Variants in SV2B observed in about 807,000 individuals in gnomAD.
The protein encoded by SV2B is synaptic vesicle glycoprotein 2B.
A neutral mutation model predicts 73.9 loss-of-function variants in SV2B; 41 were observed. The observed-to-expected ratio is 0.56, with a 90% CI of 0.43 to 0.72. The LOEUF is 0.72. Ranked by LOEUF, SV2B falls within the 30% of genes least tolerant of loss-of-function variation. The probability of loss-of-function intolerance (pLI) is 0.00; values close to 1 mark genes in which losing one functional copy is unlikely to be tolerated. For missense variants in SV2B, 764 were observed against 857.8 expected, an observed-to-expected ratio of 0.89 and a Z score of 1.37; for synonymous variants, 314 against 314.2, an observed-to-expected ratio of 1.00 and a Z score of 0.01.
chr15:91,196,446 G>C (rs375185593), intron 1 of SV2B, among the ~76,000 whole-genome samples: 3 of 152,348 alleles, frequency 2.0e-5, no homozygotes, highest in East Asian at 3.9e-4. Flanking sequence ...ATCTGAATTA[G>C]ATTTTATAGG....
At chr15:91,208,224 C>T (rs1453307492) in intron 1 of SV2B, among the ~76,000 whole-genome samples, 2 of 152,174 alleles carry the variant, frequency 1.3e-5, no homozygotes, top group African/African-American at 2.4e-5. Flanking sequence ...TCAAATTCCC[C>T]AGCAGATACC....
chr15:91,295,288 T>A lies in SV2B; in HGVS notation c.*2736T>A, dbSNP rs1443181545. On this transcript the variant is annotated 3_prime_UTR_variant, in exon 13 of 13. Coordinates refer to ENST00000394232, the MANE Select transcript of SV2B (RefSeq NM_001323032.3). ...TATTAAAAATAATTAGTGAAAGAGG[T>A]GTGCCTATCTGTGAAGTTTGTAGTA... is the stretch of plus-strand genomic sequence containing the variant. 1 of 152,202 alleles carries A rather than the reference T, an allele frequency of 6.6e-6. No individual in the cohort carries two copies. Among genetic ancestry groups the A allele is most frequent in the African/African-American group, 2.4e-5 (1 of 41,442 alleles). The allele number at this position is 152,202 out of a possible 1,614,324, so 9.4% of individuals were successfully genotyped here.
chr15:91,180,389 G>A (rs1372718700), intron 1 of SV2B, among the ~76,000 whole-genome samples: 4 of 151,772 alleles, frequency 2.6e-5, no homozygotes, highest in South Asian at 2.1e-4. Context: ...TGCTCTTCTC[G>A]AGGAGTATCT....
chr15:91,195,486 G>A (rs1409516383), intron 1 of SV2B, among the ~76,000 whole-genome samples: 1 of 152,178 alleles, frequency 6.6e-6, no homozygotes, highest in Admixed American at 6.5e-5. Context: ...CCATAGCTAC[G>A]TAACTTATAA....
At chr15:91,156,151 G>C (rs1197916119) in intron 1 of SV2B, among the ~76,000 whole-genome samples, 1 of 152,122 alleles carries the variant, frequency 6.6e-6, no homozygotes, top group Non-Finnish European at 1.5e-5. Context: ...GTCTCATAGG[G>C]ACTTGACTTC....
intron 1 of SV2B, among the ~76,000 whole-genome samples, chr15:91,151,454 G>A (rs892205063): frequency 1.3e-5 from 2 of 152,292 alleles, no homozygotes; most frequent in Admixed American, 1.3e-4. Flanking sequence ...ATCAGCCTGA[G>A]ACCACTAAGG....
rs1336185000 is a variant in SV2B at position 91,242,190 on chromosome 15, G to A, written c.452-9629G>A. ...TCTCCTCGTTTTCCACCTGCCCATT[G>A]GCTGCTCCTTCTTGTTCTCCATCAC... is the stretch of plus-strand genomic sequence containing the variant. On this transcript the variant is annotated intron_variant, in intron 2 of 12. Transcript: ENST00000394232. This position sits in a 1 kb window ranked among gnomAD's most constrained non-coding sequence, Gnocchi z 4.9. Among the ~76,000 whole-genome samples the A allele has an allele frequency of 1.3e-5, 2 of 152,106 alleles. No homozygotes were observed.
Position 91,227,541 on chromosome 15 carries a change from C to T in SV2B, c.451+827C>T, listed in dbSNP as rs772954525. Among the ~76,000 whole-genome samples the T allele has an allele frequency of 6.6e-6, 1 of 152,158 alleles. No homozygotes were observed. Among genetic ancestry groups the T allele is most frequent in the Admixed American group, 6.5e-5 (1 of 15,276 alleles). On this transcript the variant is annotated intron_variant, in intron 2 of 12. Coordinates refer to ENST00000394232, the MANE Select transcript of SV2B (RefSeq NM_001323032.3). This position sits in a 1 kb window ranked among gnomAD's most constrained non-coding sequence, Gnocchi z 4.5. ...TCTATGAAATTAATTGTGCAGCAAA[C>T]ATGTAGTTATGAGAACTAACTATAA...
chr15:91,127,253 T>C (rs1200867286), intron 1 of SV2B, among the ~76,000 whole-genome samples: 1 of 152,190 alleles, frequency 6.6e-6, no homozygotes, highest in Non-Finnish European at 1.5e-5. Flanking sequence ...CTTAGCTTCA[T>C]CTCAGAGAAA....
At chr15:91,112,670 A>G (rs764281476) in intron 1 of SV2B, among the ~76,000 whole-genome samples, 7 of 152,236 alleles carry the variant, frequency 4.6e-5, no homozygotes, top group Non-Finnish European at 1.0e-4. Context: ...AACTCCTCAA[A>G]GACTCACTGA....
In SV2B at chr15:91,236,039, G is replaced by A. The variant is rs1385994383; in HGVS notation, c.451+9325G>A. On this transcript the variant is annotated intron_variant, in intron 2 of 12. Coordinates refer to ENST00000394232, the MANE Select transcript of SV2B (RefSeq NM_001323032.3). This position sits in a 1 kb window ranked among gnomAD's most constrained non-coding sequence, Gnocchi z 4.1. ...TCTGCACACAGTAGGTGCTTAGTCA[G>A]TACTCATCCTGCTCCCCTGATCCAA... Among the ~76,000 whole-genome samples, 1 of 152,214 alleles carries A rather than the reference G, an allele frequency of 6.6e-6. No individual in the cohort carries two copies. The highest frequency in any genetic ancestry group is 1.5e-5 in the Non-Finnish European group (1 of 68,036).
rs146149256 is a variant in SV2B at position 91,124,588 on chromosome 15, G to T, written c.-392+24225G>T. ...CTTCTCAAAAGAAGACTATTCATTTGCTGGGGCTGCTATAACAAAACACCA... is the reference window on the plus strand; with the variant it reads ...CTTCTCAAAAGAAGACTATTCATTTTCTGGGGCTGCTATAACAAAACACCA... On this transcript the variant is annotated intron_variant, in intron 1 of 12. Transcript: ENST00000394232. The surrounding 1 kb of genome is among the most constrained non-coding windows in gnomAD (Gnocchi z 4.6). Among the ~76,000 whole-genome samples the T allele has an allele frequency of 1.8e-4, 28 of 152,278 alleles. No individual in the cohort carries two copies. Among genetic ancestry groups the T allele is most frequent in the African/African-American group, 5.8e-4 (24 of 41,564 alleles).
chr15:91,233,373 AT>A (rs1229815964), intron 2 of SV2B, among the ~76,000 whole-genome samples: 1 of 152,220 alleles, frequency 6.6e-6, no homozygotes, highest in African/African-American at 2.4e-5. Flanking sequence ...AAAGAAATGA[AT>A]GAGCCCAAGG....
chr15:91,105,585 G>C lies in SV2B; in HGVS notation c.-392+5222G>C, dbSNP rs1376762503. ...CTTTAGCCTTTATTTTGAGGAAAAT[G>C]GGACACCACTGGAGAATTCTGAGCA... On this transcript the variant is annotated intron_variant, in intron 1 of 12. Coordinates refer to ENST00000394232, the MANE Select transcript of SV2B (RefSeq NM_001323032.3). The surrounding 1 kb of genome is among the most constrained non-coding windows in gnomAD (Gnocchi z 5.5). Among the ~76,000 whole-genome samples the C allele has an allele frequency of 1.3e-5, 2 of 152,170 alleles. No individual in the cohort carries two copies. The highest frequency in any genetic ancestry group is 4.8e-5 in the African/African-American group (2 of 41,432).
intron 1 of SV2B, among the ~76,000 whole-genome samples, chr15:91,151,618 T>C (rs1159934716): frequency 2.0e-5 from 3 of 152,146 alleles, no homozygotes; most frequent in African/African-American, 7.2e-5. Flanking sequence ...AAAATGAAAA[T>C]AAAGCTTAAA....
chr15:91,197,351 C>A lies in SV2B; in HGVS notation c.-391-28522C>A, dbSNP rs1338531871. 6.6e-6 allele frequency among the ~76,000 whole-genome samples: 1 copy of A among 151,998 alleles called. No homozygotes were observed. The highest frequency in any genetic ancestry group is 1.5e-5 in the Non-Finnish European group (1 of 67,982). Reference sequence around the variant, plus strand: ...TCAAGCAATCCTCCTGCCTCAGCCTCCCGAGTAGCTGGGATTACAGGGGTC... The same window carrying A: ...TCAAGCAATCCTCCTGCCTCAGCCTACCGAGTAGCTGGGATTACAGGGGTC... On this transcript the variant is annotated intron_variant, in intron 1 of 12. Transcript: ENST00000394232. The surrounding 1 kb of genome is among the most constrained non-coding windows in gnomAD (Gnocchi z 4.9).
chr15:91,275,660 A>G (rs2048461407), intron 9 of SV2B, among the ~76,000 whole-genome samples: 1 of 152,138 alleles, frequency 6.6e-6, no homozygotes, highest in Admixed American at 6.5e-5. Context: ...CCTTGTCTCT[A>G]CTAAAAATAC....
At position 91,282,368 on chromosome 15, in the gene SV2B, T is replaced by A. The variant is rs1047993541; in HGVS notation, c.1507+507T>A. Among the ~76,000 whole-genome samples, 8 of 152,220 alleles carry A rather than the reference T, an allele frequency of 5.3e-5. No homozygotes were observed. In the East Asian group the frequency reaches 9.6e-4, roughly 18 times the overall value. The stretch of plus-strand genomic sequence containing the variant: ...AAAGACTATTTTAAAATCATACTAT[T>A]TCAGATTTCTGTGATTTAAAAAGTC... On this transcript the variant is annotated intron_variant, in intron 10 of 12. Coordinates refer to ENST00000394232, the MANE Select transcript of SV2B (RefSeq NM_001323032.3).
intron 1 of SV2B, among the ~76,000 whole-genome samples, chr15:91,189,542 T>C (rs1408628165): frequency 2.0e-5 from 3 of 152,218 alleles, no homozygotes; most frequent in African/African-American, 7.2e-5. Context: ...CAAAGTACCT[T>C]AGCACTACAA....
Sources: allele counts gnomAD v4.1 joint callset (sites outside exome capture counted in the v4.1 genomes callset), GRCh38; gene constraint gnomAD v4.1.1; non-coding constraint Gnocchi (gnomAD v3.1); transcripts MANE v1.5; gene names NCBI Gene and HGNC (gene_info 2026-07-23, HGNC 2026-07-21).